GALC: variants seen among roughly 807,000 people sequenced by gnomAD.
GALC encodes the protein galactosylceramidase.
In GALC, 77 loss-of-function variants were observed where a neutral mutation model predicts 91.8. The ratio of observed to expected loss-of-function variants is 0.84; its 90% CI spans 0.70 to 1.01. The LOEUF (loss-of-function observed/expected upper bound fraction) is 1.01, where lower values mean the gene tolerates loss of function less well. Ranked by LOEUF, GALC falls within the 50% of genes least tolerant of loss-of-function variation. The pLI is 0.00. For missense variants in GALC, 882 were observed against 855.9 expected (o/e 1.03, Z -0.38); for synonymous variants, 357 against 306.7 (o/e 1.16, Z -1.71).
In GALC at chr14:87,949,046, G is replaced by GAA. The variant is rs549576999; in HGVS notation, c.1338+797_1338+798dup. ...GTCTTCAAGGTGTCCAGTGGTGCAG[G>GAA]AAAAGCATTTAACTAGGTAAGCACA... On this transcript the variant is annotated intron_variant, in intron 12 of 16. Transcript: ENST00000261304. Among the ~76,000 whole-genome samples the GAA allele has an allele frequency of 2.0e-4, 30 of 152,122 alleles. No homozygotes were observed. The East Asian group carries it at 5.4e-3, about 28-fold the overall frequency.
At chr14:87,946,427 T>C (rs756482800) in intron 13 of GALC, among the ~76,000 whole-genome samples, 1 of 152,042 alleles carries the variant, frequency 6.6e-6, no homozygotes, top group Admixed American at 6.6e-5. Flanking sequence ...CCTCATGCTT[T>C]TCCAAGTGTT....
At chr14:87,962,978 C>CA (rs1442729475) in intron 10 of GALC, among the ~76,000 whole-genome samples, 1 of 152,138 alleles carries the variant, frequency 6.6e-6, no homozygotes, top group Non-Finnish European at 1.5e-5. Context: ...TCAAGCCCCT[C>CA]AATCACTTGA....
chr14:87,987,983 T>C (rs1439115098), intron 3 of GALC, 161 bp downstream of exon 3: 1 of 629,104 alleles, frequency 1.6e-6, no homozygotes. Context: ...TATATAATAT[T>C]TTTAAATAAT....
In GALC at chr14:87,991,271, C is replaced by T. The variant is rs542031170; in HGVS notation, c.195+1699G>A. Among the ~76,000 whole-genome samples the T allele has an allele frequency of 1.5e-4, 23 of 152,226 alleles. No homozygotes were observed. In the South Asian group the frequency reaches 4.1e-3, roughly 27 times the overall value. On this transcript the variant is annotated intron_variant, in intron 1 of 16. Coordinates refer to ENST00000261304, the MANE Select transcript of GALC (RefSeq NM_000153.4). Reference sequence around the variant, plus strand: ...AGGCTGGAGTGCAGTGGTGTGATCCCGGCTCACTGCAACCTCCGCCTCCCG... The same window carrying T: ...AGGCTGGAGTGCAGTGGTGTGATCCTGGCTCACTGCAACCTCCGCCTCCCG...
Position 87,950,781 on chromosome 14 carries a change from T to C in GALC, c.1162-33A>G, listed in dbSNP as rs113021000. ...AAAAAAATCACATACATTATCCAAA[T>C]GATGTATAAGCTACCTTAGGGGAAA... On this transcript the variant is annotated intron_variant, in intron 10 of 16. Transcript: ENST00000261304. The C allele has an allele frequency of 5.8e-4, 829 of 1,436,770 alleles. 1 individual carries two copies. In the African/African-American group the frequency reaches 0.011, roughly 18 times the overall value. 89.0% of individuals were successfully genotyped at this position (1,436,770 alleles called of 1,614,324 possible).
chr14:87,988,108 T>A, intron 3 of GALC, 36 bp downstream of exon 3: 1 of 1,522,254 alleles, frequency 6.6e-7, no homozygotes, highest in Non-Finnish European at 9.1e-7. Context: ...GATTAAAATG[T>A]TGATGGGAGA....
chr14:87,974,168 C>T (rs1886403211), intron 7 of GALC, among the ~76,000 whole-genome samples: 1 of 151,984 alleles, frequency 6.6e-6, no homozygotes, highest in African/African-American at 2.4e-5. Context: ...TTCAGAGGAA[C>T]TTTAAAAAAG....
chr14:87,952,890 GA>G (rs1885370436), intron 10 of GALC: 1 of 995,820 alleles, frequency 1.0e-6, no homozygotes, highest in Non-Finnish European at 1.6e-6. Flanking sequence ...GCATTTAACT[GA>G]AAAGTATCAA....
At chr14:87,961,323 G>A (rs1885791101) in intron 10 of GALC, among the ~76,000 whole-genome samples, 1 of 152,162 alleles carries the variant, frequency 6.6e-6, no homozygotes, top group Admixed American at 6.6e-5. Context: ...CTGTTAGGGA[G>A]GATGTGGAGA....
At chr14:87,944,708 C>T (rs1423201674) in intron 14 of GALC, among the ~76,000 whole-genome samples, 2 of 151,984 alleles carry the variant, frequency 1.3e-5, no homozygotes, top group Admixed American at 1.3e-4. Context: ...GGATTTCTAA[C>T]TGGGAGTAAG....
At chr14:87,935,196 G>T (rs573881537) in intron 16 of GALC, among the ~76,000 whole-genome samples, 2 of 152,114 alleles carry the variant, frequency 1.3e-5, no homozygotes, top group South Asian at 2.1e-4. Flanking sequence ...TTAGAAAAAA[G>T]CTCATTAAAA....
At position 87,993,110 on chromosome 14, in the gene GALC, C is replaced by A; in HGVS notation, c.55G>T (p.Ala19Ser). ...GCGCGGCCCGCCGAACCCGCGGCCGCAGTCATAGCTTTCGCTCGGCGTTGC... is the reference window on the plus strand; with the variant it reads ...GCGCGGCCCGCCGAACCCGCGGCCGAAGTCATAGCTTTCGCTCGGCGTTGC... The part of the protein sequence containing the change: ...SWQRRAKAMT[A>S]AAGSAGRAAV... Residue 19 changes from alanine (A) to serine (S), a missense_variant, in exon 1 of 17, where the codon GCG (alanine) becomes TCG (serine). Ala to Ser is a moderately conservative substitution (Grantham distance 99). Coordinates refer to ENST00000261304, the MANE Select transcript of GALC (RefSeq NM_000153.4). 6.3e-7 allele frequency: 1 copy of A among 1,589,372 alleles called. No individual in the cohort carries two copies. Among genetic ancestry groups the A allele is most frequent in the Non-Finnish European group, 8.6e-7 (1 of 1,168,758 alleles).
At chr14:87,941,301 A>T in intron 15 of GALC, 94 bp downstream of exon 15, 1 of 824,078 alleles carries the variant, frequency 1.2e-6, no homozygotes, top group Non-Finnish European at 2.0e-6. Context: ...CCTTGGGTTG[A>T]ATTCTTTTTA....
At chr14:87,962,363 C>G (rs956400813) in intron 10 of GALC, among the ~76,000 whole-genome samples, 9 of 151,952 alleles carry the variant, frequency 5.9e-5, no homozygotes, top group Non-Finnish European at 1.5e-5. Context: ...TTTTGAGGAT[C>G]CTCTTCATCC....
intron 6 of GALC, among the ~76,000 whole-genome samples, chr14:87,979,057 T>C (rs1210348196): frequency 6.6e-6 from 1 of 152,172 alleles, no homozygotes; most frequent in Non-Finnish European, 1.5e-5. Flanking sequence ...TTCTTTTCTT[T>C]TGAGACAGAG....
intron 10 of GALC, among the ~76,000 whole-genome samples, chr14:87,957,957 G>A (rs1204167117): frequency 6.6e-6 from 1 of 152,098 alleles, no homozygotes; most frequent in Non-Finnish European, 1.5e-5. Flanking sequence ...CATATTCAGT[G>A]TAATTCCTAT....
chr14:87,992,550 G>A (rs1887248954), intron 1 of GALC: 1 of 1,512,976 alleles, frequency 6.6e-7, no homozygotes, highest in African/African-American at 1.4e-5. Context: ...CATCCCACTG[G>A]GGCGTTCTCT....
intron 10 of GALC, 127 bp downstream of exon 10, chr14:87,963,257 C>A (rs1431864701): frequency 4.1e-6 from 4 of 985,178 alleles, no homozygotes; most frequent in African/African-American, 1.6e-5. Flanking sequence ...TAAATGAAAG[C>A]CATAAGATCT....
At chr14:87,992,473 C>A (rs1449318448) in intron 1 of GALC, 20 of 1,532,298 alleles carry the variant, frequency 1.3e-5, no homozygotes, top group Non-Finnish European at 1.7e-5. Flanking sequence ...CCTGCACTAA[C>A]AACTGCACGG....
Sources: gnomAD v4.1 joint callset for allele counts (sites outside exome capture counted in the v4.1 genomes callset) on GRCh38, gnomAD v4.1.1 for gene constraint, MANE v1.5 for transcripts, NCBI Gene and HGNC (gene_info 2026-07-23, HGNC 2026-07-21) for gene names.